Variants in PIK3C2G observed in about 807,000 individuals in gnomAD.
PIK3C2G encodes the protein phosphatidylinositol 3-kinase C2 domain-containing subunit gamma.
Under a neutral mutation model 181.1 loss-of-function variants are expected in PIK3C2G, and 168 were observed. The observed-to-expected ratio is 0.93, with a 90% CI of 0.82 to 1.05. The LOEUF (loss-of-function observed/expected upper bound fraction) is 1.05, where lower values mean the gene tolerates loss of function less well. PIK3C2G is among the 50% of genes least tolerant of loss of function. The probability of loss-of-function intolerance (pLI) is 0.00; values close to 1 mark genes in which losing one functional copy is unlikely to be tolerated. For missense variants in PIK3C2G, 1,869 were observed against 1,732.8 expected (o/e 1.08, Z -1.40); for synonymous variants, 573 against 592.2 (o/e 0.97, Z 0.47).
At chr12:18,331,883 G>A (rs371012337) in intron 8 of PIK3C2G, among the ~76,000 whole-genome samples, 1 of 152,182 alleles carries the variant, frequency 6.6e-6, no homozygotes, top group South Asian at 2.1e-4. Flanking sequence ...AATGGATTAT[G>A]AGTTTTGTCA....
chr12:18,442,838 C>T (rs137974218), intron 18 of PIK3C2G, among the ~76,000 whole-genome samples: 88 of 151,642 alleles, frequency 5.8e-4, no homozygotes, highest in Middle Eastern at 6.9e-3. Context: ...CTGAATCATT[C>T]GGTCTACAAG....
At chr12:18,529,445 T>C (rs1330558523) in intron 24 of PIK3C2G, among the ~76,000 whole-genome samples, 1 of 152,188 alleles carries the variant, frequency 6.6e-6, no homozygotes, top group African/African-American at 2.4e-5. Flanking sequence ...CCAGAGTCTA[T>C]CCTATTGAGA....
chr12:18,617,145 A>G (rs1365224776), intron 31 of PIK3C2G, among the ~76,000 whole-genome samples: 1 of 152,078 alleles, frequency 6.6e-6, no homozygotes, highest in Admixed American at 6.6e-5. Context: ...GATTTTTGCC[A>G]TCTGAGGAAG....
At chr12:18,591,717 C>T (rs1947089268) in intron 29 of PIK3C2G, among the ~76,000 whole-genome samples, 1 of 151,874 alleles carries the variant, frequency 6.6e-6, no homozygotes, top group African/African-American at 2.4e-5. Flanking sequence ...AATGCAGAAT[C>T]ACTACAGGTT....
chr12:18,281,830 T>C (rs1439395517), intron 1 of PIK3C2G, among the ~76,000 whole-genome samples, 174 bp from the exon 2 acceptor site: 1 of 152,084 alleles, frequency 6.6e-6, no homozygotes, highest in Non-Finnish European at 1.5e-5. Context: ...TACTTTCCTT[T>C]CAGACTTATA....
At chr12:18,711,171 G>A in the PIK3C2G span, among the ~76,000 whole-genome samples, 1 of 151,592 alleles carries the variant, frequency 6.6e-6, no homozygotes, top group Non-Finnish European at 1.5e-5. Flanking sequence ...TAAGAAAATG[G>A]GGAACATATA....
intron 18 of PIK3C2G, among the ~76,000 whole-genome samples, chr12:18,488,220 T>A (rs1940237445): frequency 6.6e-6 from 1 of 152,126 alleles, no homozygotes; most frequent in Non-Finnish European, 1.5e-5. Context: ...TGAATTGAAA[T>A]GAAGAAAGGC....
At chr12:18,650,299 CTCT>C (rs1950366326), downstream of PIK3C2G, among the ~76,000 whole-genome samples, 2 of 12,932 alleles carry the variant, frequency 1.5e-4, no homozygotes, top group South Asian at 0.015. Flanking sequence ...AAATTTCTCT[CTCT>C]CTCTCTCTCT....
chr12:18,298,512 T>C (rs896886454), intron 5 of PIK3C2G, among the ~76,000 whole-genome samples: 2 of 151,712 alleles, frequency 1.3e-5, no homozygotes, highest in Non-Finnish European at 3.0e-5. Flanking sequence ...TTGTCTCTGT[T>C]GATTGTTTTG....
chr12:18,480,109 A>T (rs1939410794), intron 18 of PIK3C2G, among the ~76,000 whole-genome samples: 1 of 152,108 alleles, frequency 6.6e-6, no homozygotes, highest in Admixed American at 6.6e-5. Flanking sequence ...GAAAGGAGAA[A>T]ACCAAAATGA....
chr12:18,535,521 G>T (rs369029651), intron 24 of PIK3C2G, among the ~76,000 whole-genome samples: 268 of 152,106 alleles, frequency 1.8e-3, no homozygotes, highest in Middle Eastern at 0.014. Flanking sequence ...TCATGAACTT[G>T]AGCATAACTA....
chr12:18,575,703 G>A (rs1946200477), intron 29 of PIK3C2G, among the ~76,000 whole-genome samples: 1 of 152,062 alleles, frequency 6.6e-6, no homozygotes, highest in Non-Finnish European at 1.5e-5. Context: ...AGTAGCAGTT[G>A]GTAACTGGAA....
the PIK3C2G span, among the ~76,000 whole-genome samples, chr12:18,666,411 T>C: frequency 6.6e-6 from 1 of 152,066 alleles, no homozygotes; most frequent in Non-Finnish European, 1.5e-5. Context: ...GCAAATAGTC[T>C]CAAAAAGAGC....
chr12:18,534,575 T>C (rs1400151597), intron 24 of PIK3C2G, among the ~76,000 whole-genome samples: 1 of 152,088 alleles, frequency 6.6e-6, no homozygotes, highest in Non-Finnish European at 1.5e-5. Context: ...TTATTTATTG[T>C]TGCATTCATC....
intron 6 of PIK3C2G, among the ~76,000 whole-genome samples, chr12:18,314,307 T>TC (rs1950767278): frequency 6.6e-6 from 1 of 152,040 alleles, no homozygotes; most frequent in South Asian, 2.1e-4. Flanking sequence ...AATGTCTGTG[T>TC]CCCCCCAAAA....
intron 18 of PIK3C2G, among the ~76,000 whole-genome samples, chr12:18,437,777 T>C (rs775096418): frequency 6.6e-6 from 1 of 151,794 alleles, no homozygotes; most frequent in Non-Finnish European, 1.5e-5. Flanking sequence ...ATGCTGAAAA[T>C]TACACAAGAC....
At chr12:18,686,197 T>C in the PIK3C2G span, among the ~76,000 whole-genome samples, 15 of 152,106 alleles carry the variant, frequency 9.9e-5, 1 homozygote, top group South Asian at 2.7e-3. Flanking sequence ...CCACTGAAAT[T>C]TTATCCTGAC....
At chr12:18,260,159 A>AAAAATGAG (rs1213637954), upstream of PIK3C2G, among the ~76,000 whole-genome samples, 4 of 150,236 alleles carry the variant, frequency 2.7e-5, no homozygotes, top group Non-Finnish European at 1.5e-5. Flanking sequence ...CAGCTCTCAT[A>AAAAATGAG]AGTCCTCCTG....
chr12:18,447,562 A>C (rs1342735019), intron 18 of PIK3C2G, among the ~76,000 whole-genome samples: 1 of 152,208 alleles, frequency 6.6e-6, no homozygotes, highest in African/African-American at 2.4e-5. Context: ...TTTCACGGTA[A>C]TGGAAAAGCA....
Sources: gnomAD v4.1 joint callset for allele counts (sites outside exome capture counted in the v4.1 genomes callset) on GRCh38, gnomAD v4.1.1 for gene constraint, MANE v1.5 for transcripts, NCBI Gene and HGNC (gene_info 2026-07-23, HGNC 2026-07-21) for gene names.